Variants in UPF2 observed in about 807,000 individuals in gnomAD.
UPF2 encodes UPF2 regulator of nonsense mediated mRNA decay.
UPF2 carries 17 observed loss-of-function variants against 141.4 expected under a neutral mutation model. The ratio of observed to expected loss-of-function variants is 0.12; its 90% CI spans 0.08 to 0.18. The LOEUF (loss-of-function observed/expected upper bound fraction) is 0.18. Among genes scored for constraint, UPF2 ranks in the 10% least tolerant of loss-of-function variants. UPF2 has a pLI of 1.00. For synonymous variants in UPF2, 540 were observed against 498.0 expected (o/e 1.08, Z -1.12); for missense variants, 1,152 against 1,515.9 (o/e 0.76, Z 3.99).
chr10:12,022,989 GA>G (rs1834344593), intron 3 of UPF2, among the ~76,000 whole-genome samples: 1 of 151,972 alleles, frequency 6.6e-6, no homozygotes, highest in Non-Finnish European at 1.5e-5. Flanking sequence ...GTGCTGAAGA[GA>G]AACTTGTTAC....
rs539251845 is a variant in UPF2, at chr10:11,926,990, A to C, written c.3809+2875T>G. Among the ~76,000 whole-genome samples the C allele has an allele frequency of 6.6e-5, 10 of 152,320 alleles. No homozygotes were observed. In the South Asian group the frequency reaches 2.1e-3, roughly 32 times the overall value. ...TCGATGACAGCACACACATGCTTAC[A>C]TATCTCCTGCCTGGTCCTTAACAGA... is the stretch of plus-strand genomic sequence containing the variant. On this transcript the variant is annotated intron_variant, in intron 21 of 21. Transcript: ENST00000357604.
rs569260054 is a variant in UPF2 at position 12,028,762 on chromosome 10, A to G, written c.1128T>C (p.Asn376=). The G allele has an allele frequency of 1.1e-5, 18 of 1,600,886 alleles. No homozygotes were observed. The highest frequency in any genetic ancestry group is 3.3e-4 in the Middle Eastern group (2 of 5,988). The part of the protein sequence containing the change: ...HLKRDHRELQ[N]TERQNRRILH... ...AAAATCACCTGTTTTGTCTCTCAGT[A>G]TTCTGGAGCTCCCTGTGGTCCCTTT... is the stretch of plus-strand genomic sequence containing the variant. The change falls in exon 3 of 22, where the codon AAT becomes AAC. Residue 376 remains asparagine, a synonymous_variant. Coordinates refer to ENST00000357604, the MANE Select transcript of UPF2 (RefSeq NM_015542.4).
intron 9 of UPF2, among the ~76,000 whole-genome samples, chr10:11,978,798 T>C (rs942207400): frequency 6.6e-6 from 1 of 152,114 alleles, no homozygotes; most frequent in African/African-American, 2.4e-5. Flanking sequence ...GATTTCTACC[T>C]TAGAAAAGCA....
At position 11,936,419 on chromosome 10, in the gene UPF2, G is replaced by C; in HGVS notation, c.3546+126C>G. On this transcript the variant is annotated intron_variant, in intron 19 of 21. Transcript: ENST00000357604. The surrounding 1 kb of genome is among the most constrained non-coding windows in gnomAD (Gnocchi z 6.6). ...AAACAAAAAAAACTATATAAGGGAA[G>C]AAATTATTCTACCACTGAATGGTTT... The C allele has an allele frequency of 9.9e-7, 1 of 1,007,908 alleles. No homozygotes were observed. The highest frequency in any genetic ancestry group is 1.3e-6 in the Non-Finnish European group (1 of 742,092). The allele number at this position is 1,007,908 out of a possible 1,614,324, so 62.4% of individuals were successfully genotyped here. A position where few individuals can be genotyped will look rare whatever the true frequency, so the allele number is the denominator to read the frequency against.
chr10:11,958,274 A>C (rs933282208), intron 12 of UPF2, among the ~76,000 whole-genome samples: 1 of 152,334 alleles, frequency 6.6e-6, no homozygotes, highest in East Asian at 1.9e-4. Flanking sequence ...CTAAACCATA[A>C]TCAAAGTCTT....
intron 10 of UPF2, among the ~76,000 whole-genome samples, chr10:11,965,597 C>A (rs1043293266): frequency 5.3e-5 from 8 of 152,010 alleles, no homozygotes; most frequent in African/African-American, 1.9e-4. Context: ...GTAGCTGGGA[C>A]TACAGGTGCC....
At chr10:11,923,574 G>A (rs1212411242) in intron 21 of UPF2, among the ~76,000 whole-genome samples, 4 of 151,920 alleles carry the variant, frequency 2.6e-5, no homozygotes, top group Admixed American at 1.3e-4. Flanking sequence ...CCAGCTACTC[G>A]GGAGGCTGAG....
chr10:11,979,048 A>AATAC lies in UPF2; in HGVS notation c.1953+5_1953+8dup, dbSNP rs1397143008. 1 of 1,593,218 alleles carries AATAC rather than the reference A, an allele frequency of 6.3e-7. No homozygotes were observed. Among genetic ancestry groups the AATAC allele is most frequent in the Admixed American group, 1.7e-5 (1 of 59,798 alleles). On this transcript the variant is annotated intron_variant, in intron 9 of 21. Transcript: ENST00000357604. This position sits in a 1 kb window ranked among gnomAD's most constrained non-coding sequence, Gnocchi z 6.2. ...ATAAATATTTCAAAATAAATGCTTAAATACATACATGAAATCTGAAATCCC... is the reference window on the plus strand; with the variant it reads ...ATAAATATTTCAAAATAAATGCTTAAATACATACATACATGAAATCTGAAATCCC...
chr10:11,971,573 C>T (rs1833418656), intron 9 of UPF2, among the ~76,000 whole-genome samples: 1 of 152,022 alleles, frequency 6.6e-6, no homozygotes, highest in Non-Finnish European at 1.5e-5. Context: ...TTCTTAAAAC[C>T]TTATGATCAA....
chr10:11,938,047 C>T (rs144321533), intron 18 of UPF2, among the ~76,000 whole-genome samples: 1 of 152,292 alleles, frequency 6.6e-6, no homozygotes, highest in East Asian at 1.9e-4. Context: ...CCCCAAGATG[C>T]AACAACTATT....
At chr10:12,007,314 T>C (rs950030715) in intron 4 of UPF2, among the ~76,000 whole-genome samples, 4 of 152,186 alleles carry the variant, frequency 2.6e-5, no homozygotes, top group Non-Finnish European at 4.4e-5. Context: ...TAAGAGTGGT[T>C]ACCTTGGAGA....
chr10:11,922,462 G>T (rs1000041471), intron 21 of UPF2, among the ~76,000 whole-genome samples: 1 of 152,206 alleles, frequency 6.6e-6, no homozygotes, highest in Non-Finnish European at 1.5e-5. Context: ...GGGAATGAAA[G>T]AGAAGATTCA....
chr10:12,041,275 G>C (rs1246064316), intron 1 of UPF2, among the ~76,000 whole-genome samples: 2 of 152,126 alleles, frequency 1.3e-5, no homozygotes, highest in African/African-American at 4.8e-5. Context: ...AGATAGTGAG[G>C]AGAAAAAGTC....
chr10:11,931,597 A>G lies in UPF2; in HGVS notation c.3688+44T>C. ...GACAAAATAACAATTTTGATGCTCA[A>G]AAGGCAACAAAAATTTCCACTTCTC... On this transcript the variant is annotated intron_variant, in intron 20 of 21. Transcript: ENST00000357604. This position sits in a 1 kb window ranked among gnomAD's most constrained non-coding sequence, Gnocchi z 5.9. 2 of 1,510,330 alleles carry G rather than the reference A, an allele frequency of 1.3e-6. No homozygotes were observed. The highest frequency in any genetic ancestry group is 1.4e-5 in the South Asian group (1 of 72,440). The allele number at this position is 1,510,330 out of a possible 1,614,324, so 93.6% of individuals were successfully genotyped here.
In UPF2 at chr10:11,948,419, T is replaced by C; in HGVS notation, c.3124A>G (p.Thr1042Ala). ...CTTTCATTTCCAGATTGTTCTTCTG[T>C]TTCAGCCCCACCTTCTTCTTCTTCT... ...DEEEEEGGAE[T>A]EEQSGNESEV... Residue 1042 changes from threonine (T) to alanine (A), a missense_variant, in exon 16 of 22, where the codon ACA becomes GCA. Coordinates refer to ENST00000357604, the MANE Select transcript of UPF2 (RefSeq NM_015542.4). 6.2e-7 allele frequency: 1 copy of C among 1,611,704 alleles called. No individual in the cohort carries two copies. Among genetic ancestry groups the C allele is most frequent in the Non-Finnish European group, 8.5e-7 (1 of 1,178,918 alleles).
At chr10:12,026,646 CTTTT>C (rs760035093) in intron 3 of UPF2, 101 of 388,870 alleles carry the variant, frequency 2.6e-4, no homozygotes, top group Admixed American at 6.9e-4. Flanking sequence ...TTCCTATAAA[CTTTT>C]TTTTTTTTTT....
intron 1 of UPF2, among the ~76,000 whole-genome samples, chr10:12,040,527 C>G (rs900996731): frequency 6.6e-6 from 1 of 152,144 alleles, no homozygotes; most frequent in African/African-American, 2.4e-5. Flanking sequence ...ATACTGGTAT[C>G]TCCTTTCAAC....
At position 12,035,103 on chromosome 10, in the gene UPF2, C is replaced by T. The variant is rs1834598908; in HGVS notation, c.321G>A (p.Glu107=). 1 of 1,585,672 alleles carries T rather than the reference C, an allele frequency of 6.3e-7. No individual in the cohort carries two copies. The highest frequency in any genetic ancestry group is 1.4e-5 in the African/African-American group (1 of 72,770). ...CTTCTTCTTGCTGACGTTTGGCCTG[C>T]TCTTCTTGCTTCTTTCTCTCTTCCT... ...HQEEERKKQE[E]QAKRQQEEEA... is the part of the protein sequence containing the mutation. Residue 107 remains glutamate (E), a synonymous_variant, in exon 2 of 22, where the codon GAG becomes GAA. Coordinates refer to ENST00000357604, the MANE Select transcript of UPF2 (RefSeq NM_015542.4).
intron 9 of UPF2, among the ~76,000 whole-genome samples, chr10:11,974,172 CCTCT>C (rs1269622730): frequency 6.6e-6 from 1 of 151,278 alleles, no homozygotes; most frequent in African/African-American, 2.5e-5. Flanking sequence ...TCATGATTTG[CCTCT>C]CTGTTTGTTA....
Sources: gnomAD v4.1 joint callset for allele counts (sites outside exome capture counted in the v4.1 genomes callset) on GRCh38, gnomAD v4.1.1 for gene constraint, Gnocchi (gnomAD v3.1) non-coding constraint, MANE v1.5 for transcripts, NCBI Gene and HGNC (gene_info 2026-07-23, HGNC 2026-07-21) for gene names.